Variants in HNRNPL observed in about 807,000 individuals in gnomAD.
The protein encoded by HNRNPL is heterogeneous nuclear ribonucleoprotein L.
Under a neutral mutation model 64.0 loss-of-function variants are expected in HNRNPL, and 12 were observed. The observed-to-expected ratio is 0.19, with a 90% CI of 0.12 to 0.30. HNRNPL has a LOEUF of 0.30. HNRNPL is among the 10% of genes least tolerant of loss of function. The pLI is 1.00. For synonymous variants in HNRNPL, 385 were observed against 313.0 expected, an observed-to-expected ratio of 1.23 and a Z score of -2.43; for missense variants, 484 against 797.4, an observed-to-expected ratio of 0.61 and a Z score of 4.73.
intron 1 of HNRNPL, among the ~76,000 whole-genome samples, chr19:38,848,176 C>G (rs564776504): frequency 6.6e-6 from 1 of 152,134 alleles, no homozygotes; most frequent in Non-Finnish European, 1.5e-5. Context: ...CTGCAACCTC[C>G]GCCTCCCAGG....
intron 10 of HNRNPL, 72 bp downstream of exon 10, chr19:38,838,325 G>A: frequency 7.7e-7 from 1 of 1,293,242 alleles, no homozygotes; most frequent in Non-Finnish European, 1.1e-6. Context: ...TTGCAGAAAA[G>A]ACTGAAATGA....
upstream of HNRNPL, chr19:38,850,202 G>A (rs1972465170): frequency 7.4e-6 from 3 of 407,826 alleles, no homozygotes; most frequent in South Asian, 8.2e-5. Flanking sequence ...CGTCGACCCC[G>A]CCGCCTTAAA....
In HNRNPL at chr19:38,840,578, G is replaced by A; in HGVS notation, c.881-19C>T. 6.4e-7 allele frequency: 1 copy of A among 1,561,524 alleles called. No individual in the cohort carries two copies. Among genetic ancestry groups the A allele is most frequent in the Non-Finnish European group, 8.7e-7 (1 of 1,152,100 alleles). ...GGGTCACCTGTGGAGAGAGAAAACAGTTAGGAGTCTCACTCAGAAATTGGG... is the reference window on the plus strand; with the variant it reads ...GGGTCACCTGTGGAGAGAGAAAACAATTAGGAGTCTCACTCAGAAATTGGG... On this transcript the variant is annotated intron_variant, in intron 6 of 12. Coordinates refer to ENST00000221419, the MANE Select transcript of HNRNPL (RefSeq NM_001533.3).
At chr19:38,847,471 C>T (rs1475543662) in intron 1 of HNRNPL, 37 bp from the exon 2 acceptor site, 1 of 1,334,972 alleles carries the variant, frequency 7.5e-7, no homozygotes, top group Admixed American at 2.4e-5. Flanking sequence ...TATTTTCTTG[C>T]TGTACAAGAT....
intron 2 of HNRNPL, 97 bp from the exon 3 acceptor site, chr19:38,846,187 TG>T (rs1972288603): frequency 1.1e-6 from 1 of 882,254 alleles, no homozygotes; most frequent in Non-Finnish European, 1.9e-6. Context: ...CCATGGCCTC[TG>T]AACTCCTCTG....
chr19:38,850,290 A>G (rs1470353245), upstream of HNRNPL: 1 of 286,496 alleles, frequency 3.5e-6, no homozygotes, highest in Non-Finnish European at 6.5e-6. Flanking sequence ...GGCGCTCTAA[A>G]CCTCCCAAGA....
chr19:38,837,019 T>C (rs1055763363), intron 12 of HNRNPL: 55 of 547,986 alleles, frequency 1.0e-4, no homozygotes, highest in Non-Finnish European at 1.6e-4. Flanking sequence ...CCCAAGGCAA[T>C]GGGCCTCTCC....
At chr19:38,850,328 G>T, upstream of HNRNPL, 1 of 231,036 alleles carries the variant, frequency 4.3e-6, no homozygotes, top group Non-Finnish European at 8.4e-6. Context: ...ACTTTCATTG[G>T]TCTCCTCGCT....
chr19:38,844,127 C>G, intron 4 of HNRNPL, 23 bp from the exon 5 acceptor site: 3 of 1,508,514 alleles, frequency 2.0e-6, no homozygotes, highest in Non-Finnish European at 2.8e-6. Context: ...AAGGAAAGTC[C>G]CATCACAGGA....
chr19:38,851,559 G>A (rs1208635777), upstream of HNRNPL, among the ~76,000 whole-genome samples: 2 of 152,210 alleles, frequency 1.3e-5, no homozygotes. Context: ...GGACCTTTCT[G>A]CCCGGCTGAT....
At chr19:38,852,128 G>A (rs1454216602), upstream of HNRNPL, among the ~76,000 whole-genome samples, 1 of 147,442 alleles carries the variant, frequency 6.8e-6, no homozygotes, top group African/African-American at 2.5e-5. Context: ...GGTCTCCCCG[G>A]CGCCGCACGT....
rs568663477 is a variant in HNRNPL, at chr19:38,840,690, G to A, written c.881-131C>T. The A allele has an allele frequency of 2.3e-5, 17 of 749,518 alleles. No homozygotes were observed. In the East Asian group the frequency reaches 2.7e-4, roughly 12 times the overall value. 46.4% of individuals were successfully genotyped at this position (749,518 alleles called of 1,614,324 possible). On this transcript the variant is annotated intron_variant, in intron 6 of 12. Coordinates refer to ENST00000221419, the MANE Select transcript of HNRNPL (RefSeq NM_001533.3). Reference sequence around the variant, plus strand: ...GCCCTCCCTTCCTCGAGGGCTGTGGGGCCTCCTTTTGTGATCTGACCTACG... The same window carrying A: ...GCCCTCCCTTCCTCGAGGGCTGTGGAGCCTCCTTTTGTGATCTGACCTACG...
At chr19:38,836,894 A>T in intron 12 of HNRNPL, 114 bp from the exon 13 acceptor site, 1 of 703,210 alleles carries the variant, frequency 1.4e-6, no homozygotes, top group Non-Finnish European at 2.5e-6. Context: ...CAGGGGTCTA[A>T]GGAGTGACTG....
At chr19:38,837,359 G>A (rs1971963369) in intron 12 of HNRNPL, 25 bp downstream of exon 12, 1 of 1,581,270 alleles carries the variant, frequency 6.3e-7, no homozygotes, top group Admixed American at 1.7e-5. Flanking sequence ...CCAGGTTGAT[G>A]CCTGCAGGAC....
chr19:38,841,472 G>A (rs151293916), intron 6 of HNRNPL: 1 of 419,028 alleles, frequency 2.4e-6, no homozygotes, highest in Non-Finnish European at 4.8e-6. Flanking sequence ...CAAAACCCAG[G>A]GCTCGAAACC....
chr19:38,843,486 C>A, intron 6 of HNRNPL: 1 of 283,914 alleles, frequency 3.5e-6, no homozygotes, highest in East Asian at 7.9e-5. Context: ...AGGACAATTC[C>A]TGGTCCAGCA....
At chr19:38,850,134 G>T, upstream of HNRNPL, 1 of 518,070 alleles carries the variant, frequency 1.9e-6, no homozygotes, top group Non-Finnish European at 3.3e-6. Context: ...CTGCAGGAGG[G>T]CCCGCCCTTG....
At chr19:38,837,673 A>T in intron 10 of HNRNPL, 22 bp from the exon 11 acceptor site, 1 of 1,612,374 alleles carries the variant, frequency 6.2e-7, no homozygotes, top group Non-Finnish European at 8.5e-7. Context: ...AACAGGTAGT[A>T]AATGAACTCT....
At chr19:38,836,842 C>T in intron 12 of HNRNPL, 62 bp from the exon 13 acceptor site, 1 of 1,316,942 alleles carries the variant, frequency 7.6e-7, no homozygotes, top group Non-Finnish European at 1.1e-6. Flanking sequence ...ACCCAGGTCC[C>T]CTCAAGTTTG....
Sources: gnomAD v4.1 joint callset for allele counts (sites outside exome capture counted in the v4.1 genomes callset) on GRCh38, gnomAD v4.1.1 for gene constraint, MANE v1.5 for transcripts, NCBI Gene and HGNC (gene_info 2026-07-23, HGNC 2026-07-21) for gene names.